Variants in ADAMTS2 observed in about 807,000 individuals in gnomAD.
ADAMTS2 encodes A disintegrin and metalloproteinase with thrombospondin motifs 2.
A neutral mutation model predicts 123.0 loss-of-function variants in ADAMTS2; 50 were observed. That is an observed-to-expected ratio of 0.41 (90% CI 0.32 to 0.51). The LOEUF (loss-of-function observed/expected upper bound fraction) is 0.51, where lower values mean the gene tolerates loss of function less well. Among genes scored for constraint, ADAMTS2 ranks in the 20% least tolerant of loss-of-function variants. The pLI is 0.35. For synonymous variants in ADAMTS2, 678 were observed against 695.4 expected, an observed-to-expected ratio of 0.98 and a Z score of 0.39; for missense variants, 1,494 against 1,705.2, an observed-to-expected ratio of 0.88 and a Z score of 2.18.
chr5:179,231,557 C>T (rs898670198), intron 3 of ADAMTS2, among the ~76,000 whole-genome samples: 2 of 152,140 alleles, frequency 1.3e-5, no homozygotes, highest in African/African-American at 2.4e-5. Context: ...CCTCTACAGT[C>T]GCCTACCATG....
chr5:179,224,398 G>A (rs1765224257), intron 3 of ADAMTS2, among the ~76,000 whole-genome samples: 1 of 152,156 alleles, frequency 6.6e-6, no homozygotes, highest in South Asian at 2.1e-4. Context: ...TGCTAGGCTG[G>A]GCGTGTTTCC....
In ADAMTS2 at chr5:179,251,049, C is replaced by T. The variant is rs572147038; in HGVS notation, c.688+21862G>A. 3.9e-5 allele frequency among the ~76,000 whole-genome samples: 6 copies of T among 152,336 alleles called. No individual in the cohort carries two copies. The South Asian group carries it at 1.2e-3, about 32-fold the overall frequency. ...TCATGCATTTGCTCACTCCTCCCTCCCAGGGCTCAGCCGGCACCTGAAGCT... is the reference window on the plus strand; with the variant it reads ...TCATGCATTTGCTCACTCCTCCCTCTCAGGGCTCAGCCGGCACCTGAAGCT... On this transcript the variant is annotated intron_variant, in intron 3 of 21. Transcript: ENST00000251582.
chr5:179,127,422 C>A (rs989907706), intron 17 of ADAMTS2, among the ~76,000 whole-genome samples: 1 of 152,090 alleles, frequency 6.6e-6, no homozygotes, highest in African/African-American at 2.4e-5. Context: ...TATCGCCCAG[C>A]CCCCAGGAGC....
intron 21 of ADAMTS2, among the ~76,000 whole-genome samples, chr5:179,119,556 G>A (rs930910974): frequency 3.3e-5 from 5 of 152,238 alleles, no homozygotes; most frequent in African/African-American, 1.2e-4. Context: ...CAGGCCCTGT[G>A]GCTGCCTGGG....
chr5:179,144,576 C>T (rs926520882), intron 10 of ADAMTS2, among the ~76,000 whole-genome samples: 6 of 152,100 alleles, frequency 3.9e-5, no homozygotes, highest in African/African-American at 1.4e-4. Context: ...AATATACCGA[C>T]GGAATAGAAC....
At position 179,204,053 on chromosome 5, in the gene ADAMTS2, T is replaced by C. The variant is rs187164718; in HGVS notation, c.891+3460A>G. On this transcript the variant is annotated intron_variant, in intron 4 of 21. Transcript: ENST00000251582. The stretch of plus-strand genomic sequence containing the variant: ...ATTCTTACACATGCTGCAATGTGGA[T>C]GGCCCCGAGGATGTCATGCTAAGTG... 3.0e-4 allele frequency among the ~76,000 whole-genome samples: 45 copies of C among 152,338 alleles called. No homozygotes were observed. The East Asian group carries it at 6.9e-3, about 24-fold the overall frequency.
intron 4 of ADAMTS2, among the ~76,000 whole-genome samples, chr5:179,191,407 T>G (rs1764304445): frequency 6.6e-6 from 1 of 152,190 alleles, no homozygotes; most frequent in Non-Finnish European, 1.5e-5. Context: ...TCAGAGGCTG[T>G]GTGGCCCGGC....
intron 10 of ADAMTS2, 28 bp downstream of exon 10, chr5:179,152,114 C>T (rs1386003696): frequency 1.3e-6 from 2 of 1,596,504 alleles, no homozygotes; most frequent in Non-Finnish European, 1.7e-6. Flanking sequence ...GCCCTGCTGC[C>T]CTCCAAGAGC....
intron 4 of ADAMTS2, among the ~76,000 whole-genome samples, chr5:179,196,101 G>A (rs1018608531): frequency 7.2e-5 from 11 of 152,170 alleles, no homozygotes; most frequent in South Asian, 2.1e-4. Flanking sequence ...CTCAGCACTC[G>A]TGAAAGTTGG....
intron 2 of ADAMTS2, among the ~76,000 whole-genome samples, chr5:179,296,829 G>C (rs1450932156): frequency 6.6e-6 from 1 of 152,212 alleles, no homozygotes; most frequent in South Asian, 2.1e-4. Flanking sequence ...ACGGGCCACT[G>C]GTATCACTAA....
At position 179,132,892 on chromosome 5, in the gene ADAMTS2, G is replaced by C. The variant is rs370188973; in HGVS notation, c.2094C>G (p.Gly698=). The change falls in exon 14 of 22, where the codon GGC becomes GGG. Residue 698 remains glycine, a synonymous_variant. Coordinates refer to ENST00000251582, the MANE Select transcript of ADAMTS2 (RefSeq NM_014244.5). This position sits in a 1 kb window ranked among gnomAD's most constrained non-coding sequence, Gnocchi z 6.1. ...LCVRGDCRKV[G]CDGVIGSSKQ... is the part of the protein sequence containing the mutation. ...TGCTGGAGCCGATCACACCGTCACA[G>C]CCCACCTTCTGTTGGGGGAGGAGGC... The C allele has an allele frequency of 1.2e-6, 2 of 1,613,792 alleles. No individual in the cohort carries two copies. Among genetic ancestry groups the C allele is most frequent in the Non-Finnish European group, 1.7e-6 (2 of 1,179,924 alleles).
At position 179,345,255 on chromosome 5, in the gene ADAMTS2, G is replaced by GGCGGCAGCA; in HGVS notation, c.65_73dup (p.Leu22_Pro24dup). 8.7e-7 allele frequency: 1 copy of GGCGGCAGCA among 1,148,554 alleles called. No individual in the cohort carries two copies. 71.1% of individuals were successfully genotyped at this position (1,148,554 alleles called of 1,614,324 possible). ...CGGCGGCGGCGGCGGCAGGAGCGGC[G>GGCGGCAGCA]GCGGCAGCAGCAGCAGCAGCAGCAG... On this transcript the variant is annotated inframe_insertion, in exon 1 of 22. Coordinates refer to ENST00000251582, the MANE Select transcript of ADAMTS2 (RefSeq NM_014244.5). The surrounding 1 kb of genome is among the most constrained non-coding windows in gnomAD (Gnocchi z 7.5).
chr5:179,210,271 G>A (rs1366689326), intron 3 of ADAMTS2, among the ~76,000 whole-genome samples: 1 of 152,178 alleles, frequency 6.6e-6, no homozygotes, highest in Non-Finnish European at 1.5e-5. Context: ...CCCCATGCAG[G>A]GACCCCTCCA....
chr5:179,209,460 T>C (rs1323114109), intron 3 of ADAMTS2, among the ~76,000 whole-genome samples: 6 of 152,000 alleles, frequency 3.9e-5, no homozygotes, highest in African/African-American at 1.5e-4. Flanking sequence ...TCCAGTACCT[T>C]CGGGGGTCCT....
At chr5:179,299,260 T>C (rs746954243) in intron 2 of ADAMTS2, among the ~76,000 whole-genome samples, 14 of 148,998 alleles carry the variant, frequency 9.4e-5, no homozygotes, top group African/African-American at 2.0e-4. Flanking sequence ...CCAGGCGCGG[T>C]GGCTCACGCC....
intron 17 of ADAMTS2, among the ~76,000 whole-genome samples, 190 bp downstream of exon 17, chr5:179,127,769 A>G (rs1561768722): frequency 6.6e-6 from 1 of 151,992 alleles, no homozygotes; most frequent in Non-Finnish European, 1.5e-5. Context: ...ATTTGACCCA[A>G]TGCCCCAGCA....
At position 179,272,540 on chromosome 5, in the gene ADAMTS2, C is replaced by T. The variant is rs573700288; in HGVS notation, c.688+371G>A. Reference sequence around the variant, plus strand: ...CTCTTCACAGGCACAGACTCAGAGACGCAGGCACTGGACTCAGGCCTGGCC... The same window carrying T: ...CTCTTCACAGGCACAGACTCAGAGATGCAGGCACTGGACTCAGGCCTGGCC... On this transcript the variant is annotated intron_variant, in intron 3 of 21. Transcript: ENST00000251582. This position sits in a 1 kb window ranked among gnomAD's most constrained non-coding sequence, Gnocchi z 5.8. Among the ~76,000 whole-genome samples the T allele has an allele frequency of 4.6e-5, 7 of 152,310 alleles. No homozygotes were observed. The highest frequency in any genetic ancestry group is 7.4e-5 in the Non-Finnish European group (5 of 68,022).
intron 3 of ADAMTS2, among the ~76,000 whole-genome samples, chr5:179,270,871 T>C (rs1433959701): frequency 1.3e-5 from 2 of 152,170 alleles, no homozygotes; most frequent in African/African-American, 2.4e-5. Context: ...CAAAGGGGAC[T>C]TGGCCCCAGC....
At position 179,222,272 on chromosome 5, in the gene ADAMTS2, CGGTGTTGACGA is replaced by C. The variant is rs558575450; in HGVS notation, c.689-14568_689-14558del. Among the ~76,000 whole-genome samples, 508 of 152,308 alleles carry C rather than the reference CGGTGTTGACGA, an allele frequency of 3.3e-3. 3 individuals carry two copies. Among genetic ancestry groups the C allele is most frequent in the African/African-American group, 0.011 (463 of 41,564 alleles). On this transcript the variant is annotated intron_variant, in intron 3 of 21. Transcript: ENST00000251582. ...TACTCCCCACACAGCACCCAGACCA[CGGTGTTGACGA>C]GGCTTAATTTGATCAGCCCTATTTC...
Sources: gnomAD v4.1 joint callset for allele counts (sites outside exome capture counted in the v4.1 genomes callset) on GRCh38, gnomAD v4.1.1 for gene constraint, Gnocchi (gnomAD v3.1) non-coding constraint, MANE v1.5 for transcripts, NCBI Gene and HGNC (gene_info 2026-07-23, HGNC 2026-07-21) for gene names.